Variants in PTPRD observed in about 807,000 individuals in gnomAD.
PTPRD encodes protein tyrosine phosphatase receptor type D, also known as receptor-type tyrosine-protein phosphatase delta.
Under a neutral mutation model 214.5 loss-of-function variants are expected in PTPRD, and 34 were observed. The observed-to-expected ratio is 0.16, with a 90% confidence interval of 0.12 to 0.21. PTPRD has a LOEUF of 0.21. PTPRD is among the 10% of genes least tolerant of loss of function. The pLI is 1.00. For synonymous variants in PTPRD, 1,128 were observed against 845.7 expected (o/e 1.33, Z -5.79); for missense variants, 2,545 against 2,398.7 (o/e 1.06, Z -1.27).
intron 9 of PTPRD, among the ~76,000 whole-genome samples, chr9:9,247,883 T>C (rs1404045947): frequency 6.6e-6 from 1 of 152,128 alleles, no homozygotes; most frequent in Non-Finnish European, 1.5e-5. Flanking sequence ...TACATTTCAT[T>C]TGCATTTCTG....
chr9:9,054,653 T>G (rs1183675781), intron 10 of PTPRD, among the ~76,000 whole-genome samples: 1 of 152,178 alleles, frequency 6.6e-6, no homozygotes, highest in Non-Finnish European at 1.5e-5. Context: ...CAAACCTGTT[T>G]TGAGCTTGGA....
At chr9:10,514,213 C>G (rs1422710687) in intron 2 of PTPRD, among the ~76,000 whole-genome samples, 1 of 151,950 alleles carries the variant, frequency 6.6e-6, no homozygotes, top group East Asian at 1.9e-4. Flanking sequence ...CATATATTTA[C>G]TTGTTCATTT....
chr9:10,486,634 GA>G (rs2099134551), intron 2 of PTPRD, among the ~76,000 whole-genome samples: 1 of 151,986 alleles, frequency 6.6e-6, no homozygotes, highest in African/African-American at 2.4e-5. Flanking sequence ...TCTTTTTACT[GA>G]TTTCTAGTTT....
intron 5 of PTPRD, among the ~76,000 whole-genome samples, chr9:9,794,720 G>T (rs59583349): frequency 0.011 from 1,630 of 152,180 alleles, 21 homozygotes; most frequent in African/African-American, 0.029. Flanking sequence ...TAAAACCATG[G>T]CTTAGAGAAG....
chr9:9,513,798 T>A (rs1177101158), intron 8 of PTPRD, among the ~76,000 whole-genome samples: 1 of 152,014 alleles, frequency 6.6e-6, no homozygotes, highest in Non-Finnish European at 1.5e-5. Context: ...TGATAGTCAT[T>A]GAAAGGGCAA....
rs942335833 is a variant in PTPRD at position 9,564,980 on chromosome 9, G to A, written c.-237+9752C>T. On this transcript the variant is annotated intron_variant, in intron 8 of 45. Coordinates refer to ENST00000381196, the MANE Select transcript of PTPRD (RefSeq NM_002839.4). The stretch of plus-strand genomic sequence containing the variant: ...TTGCTTCATAAAGATTTAAATGAAT[G>A]ACATGCAGTTTTCAAATTTACCTAG... Among the ~76,000 whole-genome samples, 3 of 127,966 alleles carry A rather than the reference G, an allele frequency of 2.3e-5. No homozygotes were observed. In the Admixed American group the frequency reaches 2.9e-4, roughly 13 times the overall value. The allele number at this position is 127,966 out of a possible 152,430, so 84.0% of individuals were successfully genotyped here.
At chr9:8,808,202 T>A (rs1459862837) in intron 11 of PTPRD, among the ~76,000 whole-genome samples, 1 of 152,182 alleles carries the variant, frequency 6.6e-6, no homozygotes, top group Non-Finnish European at 1.5e-5. Context: ...GAGTCAAGGA[T>A]GCCACCATAC....
At chr9:9,103,149 A>C (rs1490056417) in intron 10 of PTPRD, among the ~76,000 whole-genome samples, 1 of 152,172 alleles carries the variant, frequency 6.6e-6, no homozygotes, top group Non-Finnish European at 1.5e-5. Context: ...TCCAAGTTAT[A>C]ACTTTTTATT....
chr9:8,921,021 C>T (rs949588653), intron 11 of PTPRD, among the ~76,000 whole-genome samples: 7 of 152,092 alleles, frequency 4.6e-5, no homozygotes, highest in African/African-American at 1.4e-4. Flanking sequence ...ACCATGTTGG[C>T]CAGGCTGGTC....
chr9:10,129,097 A>C (rs1300282307), intron 3 of PTPRD, among the ~76,000 whole-genome samples: 1 of 152,112 alleles, frequency 6.6e-6, no homozygotes, highest in Non-Finnish European at 1.5e-5. Context: ...ATGTATTTCA[A>C]CTCCTGATAT....
chr9:9,732,727 G>A lies in PTPRD; in HGVS notation c.-287+1806C>T, dbSNP rs2098220188. 2.0e-5 allele frequency among the ~76,000 whole-genome samples: 3 copies of A among 152,182 alleles called. No individual in the cohort carries two copies. In the East Asian group the frequency reaches 5.8e-4, roughly 30 times the overall value. ...GCAGAAAGTGCTGAGGGAGATGGAA[G>A]GCTAACCCTCATTCTCATTTTGCGG... On this transcript the variant is annotated intron_variant, in intron 7 of 45. Coordinates refer to ENST00000381196, the MANE Select transcript of PTPRD (RefSeq NM_002839.4).
At chr9:8,817,811 C>T (rs1365118796) in intron 11 of PTPRD, among the ~76,000 whole-genome samples, 1 of 152,140 alleles carries the variant, frequency 6.6e-6, no homozygotes, top group Admixed American at 6.6e-5. Flanking sequence ...TCTTGGACTT[C>T]TTGGTAGAAT....
intron 31 of PTPRD, 97 bp from the exon 32 acceptor site, chr9:8,465,772 C>T (rs1565028784): frequency 2.9e-6 from 3 of 1,018,252 alleles, no homozygotes; most frequent in Non-Finnish European, 4.3e-6. Flanking sequence ...CTGGGAACAA[C>T]CCAAATGCAA....
At chr9:9,018,355 A>G (rs2099545147) in intron 11 of PTPRD, among the ~76,000 whole-genome samples, 1 of 152,188 alleles carries the variant, frequency 6.6e-6, no homozygotes, top group South Asian at 2.1e-4. Flanking sequence ...AAAACGGTAT[A>G]TCTTATAAAA....
chr9:9,243,107 A>G (rs201012731), intron 9 of PTPRD, among the ~76,000 whole-genome samples: 1 of 152,040 alleles, frequency 6.6e-6, no homozygotes, highest in Non-Finnish European at 1.5e-5. Context: ...GGAGGTCAAC[A>G]CCAGACCCTG....
intron 8 of PTPRD, among the ~76,000 whole-genome samples, chr9:9,533,239 G>A (rs138139779): frequency 2.0e-5 from 3 of 152,208 alleles, no homozygotes; most frequent in African/African-American, 7.2e-5. Context: ...ATTTATAAAT[G>A]ATTATTGGTG....
At chr9:8,751,750 C>T (rs2093556383) in intron 11 of PTPRD, among the ~76,000 whole-genome samples, 1 of 152,176 alleles carries the variant, frequency 6.6e-6, no homozygotes, top group Non-Finnish European at 1.5e-5. Context: ...AGTCATTTAA[C>T]TCCTCAGTGT....
intron 11 of PTPRD, among the ~76,000 whole-genome samples, chr9:8,833,151 T>C (rs978166993): frequency 2.6e-5 from 4 of 152,084 alleles, no homozygotes; most frequent in Non-Finnish European, 5.9e-5. Context: ...ACATGAGCTT[T>C]AGAGGTTGAG....
At chr9:8,782,927 C>G (rs1480627177) in intron 11 of PTPRD, among the ~76,000 whole-genome samples, 1 of 152,074 alleles carries the variant, frequency 6.6e-6, no homozygotes, top group Non-Finnish European at 1.5e-5. Flanking sequence ...ATTCAATAGT[C>G]TACGTAGCCA....
Sources: allele counts gnomAD v4.1 joint callset (sites outside exome capture counted in the v4.1 genomes callset), GRCh38; gene constraint gnomAD v4.1.1; transcripts MANE v1.5; gene names NCBI Gene and HGNC (gene_info 2026-07-23, HGNC 2026-07-21).